The following MARCHF1 variants were observed in gnomAD, a reference collection of about 807,000 sequenced individuals.
MARCHF1 encodes the protein membrane associated ring-CH-type finger 1.
In MARCHF1, 40 loss-of-function variants were observed where a neutral mutation model predicts 54.2. That is an observed-to-expected ratio of 0.74 (90% CI 0.57 to 0.96). MARCHF1 has a LOEUF of 0.96. Ranked by LOEUF, MARCHF1 falls within the 40% of genes least tolerant of loss-of-function variation. The pLI, the probability that MARCHF1 is intolerant of heterozygous loss-of-function variation, is 0.00. For synonymous variants in MARCHF1, 236 were observed against 236.3 expected (o/e 1.00, Z 0.01); for missense variants, 586 against 656.5 (o/e 0.89, Z 1.17).
At chr4:163,547,596 G>A (rs908433497) in intron 8 of MARCHF1, among the ~76,000 whole-genome samples, 9 of 152,148 alleles carry the variant, frequency 5.9e-5, no homozygotes, top group Non-Finnish European at 1.0e-4. Context: ...CCATCCTGTT[G>A]TCTTCCTGAT....
chr4:164,178,646 T>C (rs1402579355), intron 1 of MARCHF1, among the ~76,000 whole-genome samples: 1 of 152,212 alleles, frequency 6.6e-6, no homozygotes, highest in East Asian at 1.9e-4. Context: ...GGTATATGAA[T>C]ACTTAAATAT....
chr4:163,888,234 G>T (rs1272695371), intron 3 of MARCHF1, among the ~76,000 whole-genome samples: 1 of 151,982 alleles, frequency 6.6e-6, no homozygotes, highest in Non-Finnish European at 1.5e-5. Flanking sequence ...AGATGAAATG[G>T]CCCTCAGAGC....
At chr4:163,893,776 A>C (rs1297915489) in intron 3 of MARCHF1, among the ~76,000 whole-genome samples, 1 of 152,192 alleles carries the variant, frequency 6.6e-6, no homozygotes, top group Non-Finnish European at 1.5e-5. Flanking sequence ...AGTAAAGATG[A>C]AGAGACATTT....
chr4:164,247,625 T>A (rs1317477356), intron 1 of MARCHF1, among the ~76,000 whole-genome samples: 2 of 43,916 alleles, frequency 4.6e-5, no homozygotes, highest in South Asian at 1.0e-3. Context: ...AAAAAAAAGT[T>A]AAAAGAAAAA....
chr4:163,955,337 T>C (rs1349245960), intron 3 of MARCHF1, among the ~76,000 whole-genome samples: 1 of 141,110 alleles, frequency 7.1e-6, no homozygotes, highest in African/African-American at 2.7e-5. Flanking sequence ...GGATAGGATC[T>C]GCTTTGAGGG....
At chr4:164,026,165 A>G (rs890252333) in intron 2 of MARCHF1, among the ~76,000 whole-genome samples, 9 of 152,096 alleles carry the variant, frequency 5.9e-5, no homozygotes, top group Admixed American at 4.6e-4. Context: ...TACAAAGAAG[A>G]CCTGGTACCA....
chr4:163,869,061 A>G (rs982478891), intron 3 of MARCHF1, among the ~76,000 whole-genome samples: 12 of 151,894 alleles, frequency 7.9e-5, no homozygotes, highest in African/African-American at 2.7e-4. Flanking sequence ...TAAACCCTCA[A>G]ACAATAGCCT....
intron 3 of MARCHF1, among the ~76,000 whole-genome samples, chr4:163,965,973 A>C (rs951640852): frequency 6.6e-6 from 1 of 152,084 alleles, no homozygotes. Flanking sequence ...TGAGATTGAG[A>C]GATGACAGAT....
intron 1 of MARCHF1, among the ~76,000 whole-genome samples, chr4:164,137,180 A>C (rs1756420390): frequency 6.6e-6 from 1 of 152,184 alleles, no homozygotes; most frequent in Non-Finnish European, 1.5e-5. Flanking sequence ...TTATTTGCCT[A>C]ATAATTATTG....
chr4:164,226,663 G>A (rs1267864614), intron 1 of MARCHF1, among the ~76,000 whole-genome samples: 1 of 151,694 alleles, frequency 6.6e-6, no homozygotes, highest in African/African-American at 2.4e-5. Flanking sequence ...GTGTATGTGT[G>A]TGTGTATATA....
At chr4:163,848,139 A>C (rs1406267115) in intron 4 of MARCHF1, among the ~76,000 whole-genome samples, 1 of 152,192 alleles carries the variant, frequency 6.6e-6, no homozygotes, top group East Asian at 1.9e-4. Context: ...TCTGATTACA[A>C]ATCATTTTTC....
rs1256260279 is a variant in MARCHF1, at chr4:164,145,158, G to T, written c.-322-33496C>A. 4.6e-5 allele frequency among the ~76,000 whole-genome samples: 7 copies of T among 151,472 alleles called. No individual in the cohort carries two copies. In the East Asian group the frequency reaches 5.9e-4, roughly 13 times the overall value. On this transcript the variant is annotated intron_variant, in intron 1 of 9. Transcript: ENST00000514618. ...ATCTCTGAATAGACCAATAACAGGA[G>T]CTGAAATTGTGGCAATAATCAATAG...
chr4:164,172,004 C>T (rs17044711), intron 1 of MARCHF1, among the ~76,000 whole-genome samples: 18,101 of 152,056 alleles, frequency 0.12, 1,357 homozygotes, highest in Admixed American at 0.21. Context: ...CGTCATAGCC[C>T]GTCTCTCCAA....
At chr4:163,940,772 T>C (rs1191115005) in intron 3 of MARCHF1, among the ~76,000 whole-genome samples, 1 of 152,126 alleles carries the variant, frequency 6.6e-6, no homozygotes, top group African/African-American at 2.4e-5. Context: ...TATATATCCA[T>C]TTGGTTGATT....
At chr4:164,232,986 G>A (rs1014113116) in intron 1 of MARCHF1, among the ~76,000 whole-genome samples, 5 of 152,016 alleles carry the variant, frequency 3.3e-5, no homozygotes, top group Non-Finnish European at 7.4e-5. Context: ...TAGCTACAAC[G>A]CTTACCTGTG....
chr4:163,638,378 G>T (rs1254653090), intron 5 of MARCHF1, among the ~76,000 whole-genome samples: 1 of 152,060 alleles, frequency 6.6e-6, no homozygotes, highest in Non-Finnish European at 1.5e-5. Flanking sequence ...GTGAGTTCAT[G>T]TGAGATCCAG....
intron 1 of MARCHF1, among the ~76,000 whole-genome samples, chr4:164,238,789 G>T (rs960528687): frequency 6.6e-6 from 1 of 151,746 alleles, no homozygotes; most frequent in African/African-American, 2.4e-5. Context: ...TATTTTTCTT[G>T]TTAAATAGAT....
At chr4:164,313,186 A>AG (rs1338649572) in intron 1 of MARCHF1, among the ~76,000 whole-genome samples, 4 of 150,154 alleles carry the variant, frequency 2.7e-5, no homozygotes, top group Non-Finnish European at 5.9e-5. Context: ...AAAATACAAA[A>AG]AAAAAAAAAA....
intron 2 of MARCHF1, among the ~76,000 whole-genome samples, chr4:164,059,640 G>A (rs1754571086): frequency 1.3e-5 from 2 of 152,076 alleles, no homozygotes; most frequent in Admixed American, 1.3e-4. Context: ...TTGTACTATG[G>A]TTATGCTTTC....
Sources: allele counts gnomAD v4.1 joint callset (sites outside exome capture counted in the v4.1 genomes callset), GRCh38; gene constraint gnomAD v4.1.1; transcripts MANE v1.5; gene names NCBI Gene and HGNC (gene_info 2026-07-23, HGNC 2026-07-21).